Variants in STK35 observed in about 807,000 individuals in gnomAD.
STK35 encodes the protein serine/threonine-protein kinase 35.
In STK35, 17 loss-of-function variants were observed where a neutral mutation model predicts 37.3. That is an observed-to-expected ratio of 0.46 (90% CI 0.31 to 0.68). The LOEUF is 0.68. Among genes scored for constraint, STK35 ranks in the 30% least tolerant of loss-of-function variants. STK35 has a pLI of 0.05. For missense variants in STK35, 595 were observed against 746.7 expected (o/e 0.80, Z 2.37); for synonymous variants, 385 against 319.1 (o/e 1.21, Z -2.20).
At chr20:2,103,988 A>C (rs1293923854) in intron 2 of STK35, among the ~76,000 whole-genome samples, 2 of 152,202 alleles carry the variant, frequency 1.3e-5, no homozygotes, top group Admixed American at 1.3e-4. Context: ...AGGTGGCCTG[A>C]GAGCTGTCAC....
chr20:2,140,909 T>A (rs1347332468), intron 3 of STK35, among the ~76,000 whole-genome samples: 3 of 152,244 alleles, frequency 2.0e-5, no homozygotes, highest in African/African-American at 7.2e-5. Flanking sequence ...TGAACCTGCC[T>A]CCTTGCCAAC....
intron 1 of STK35, 29 bp from the exon 2 acceptor site, chr20:2,102,739 G>A: frequency 7.2e-7 from 1 of 1,391,674 alleles, no homozygotes; most frequent in Non-Finnish European, 9.4e-7. Flanking sequence ...GCCTTGGCCT[G>A]GCCGTTTAAC....
Position 2,103,311 on chromosome 20 carries a change from C to G in STK35, c.838C>G (p.His280Asp). The change falls in exon 2 of 4, where the codon CAC (histidine) becomes GAC (aspartate). Residue 280 changes from histidine (H) to aspartate (D), a missense_variant. Physicochemically the swap from His to Asp is moderately conservative, Grantham distance 81. Coordinates refer to ENST00000381482, the MANE Select transcript of STK35 (RefSeq NM_080836.4). ...QRNGLAQRMSHGNKSSQLYLR... is the reference protein window; with the variant it reads ...QRNGLAQRMSDGNKSSQLYLR... ...CAATGGGTTAGCCCAGCGCATGAGT[C>G]ACGGCAACAAGAGCTCGCAGCTTTA... 1 of 1,612,870 alleles carries G rather than the reference C, an allele frequency of 6.2e-7. No individual in the cohort carries two copies. Among genetic ancestry groups the G allele is most frequent in the Non-Finnish European group, 8.5e-7 (1 of 1,179,712 alleles).
chr20:2,113,667 C>A (rs1985662054), intron 2 of STK35, among the ~76,000 whole-genome samples: 1 of 152,180 alleles, frequency 6.6e-6, no homozygotes, highest in African/African-American at 2.4e-5. Context: ...CGGCCTACAG[C>A]ACTGGGATTA....
intron 3 of STK35, among the ~76,000 whole-genome samples, chr20:2,119,911 C>T (rs578216680): frequency 2.3e-4 from 35 of 152,284 alleles, no homozygotes; most frequent in Non-Finnish European, 4.3e-4. Flanking sequence ...ATGTATTTCT[C>T]GAGTGAGTCA....
intron 3 of STK35, among the ~76,000 whole-genome samples, chr20:2,140,055 A>G (rs758408357): frequency 6.6e-6 from 1 of 151,650 alleles, no homozygotes; most frequent in East Asian, 1.9e-4. Flanking sequence ...CTGCTCAGCA[A>G]CTCTGGTGTG....
rs950596709 is a variant in STK35 at position 2,103,226 on chromosome 20, C to A, written c.753C>A (p.Leu251=). The change falls in exon 2 of 4, where the codon CTC becomes CTA. Residue 251 remains leucine, a synonymous_variant. Transcript: ENST00000381482. ...TGGCGCTGGCTGAATTCTGGGCCCT[C>A]ACCAGCCTCAAGCGGCGCCACCAGA... ...VELALAEFWA[L]TSLKRRHQNV... 2 of 1,612,682 alleles carry A rather than the reference C, an allele frequency of 1.2e-6. No homozygotes were observed. Among genetic ancestry groups the A allele is most frequent in the Middle Eastern group, 1.7e-4 (1 of 6,060 alleles).
intron 2 of STK35, among the ~76,000 whole-genome samples, chr20:2,114,003 AC>A (rs894653631): frequency 1.3e-5 from 2 of 151,932 alleles, no homozygotes; most frequent in African/African-American, 4.8e-5. Flanking sequence ...TGGGGTCTGA[AC>A]CCAAACTCTT....
chr20:2,113,660 C>T (rs765146834), intron 2 of STK35, among the ~76,000 whole-genome samples: 8 of 152,148 alleles, frequency 5.3e-5, no homozygotes, highest in Non-Finnish European at 7.3e-5. Context: ...ACTCTTACGG[C>T]CTACAGCACT....
rs1248730234 is a variant in STK35, at chr20:2,147,351, T to C, written c.*3605T>C. The C allele has an allele frequency of 6.6e-6, 1 of 152,640 alleles. No individual in the cohort carries two copies. Among genetic ancestry groups the C allele is most frequent in the Non-Finnish European group, 1.5e-5 (1 of 68,040 alleles). 9.5% of individuals were successfully genotyped at this position (152,640 alleles called of 1,614,324 possible). ...GTTGTCTCCTAGCCTAGAAAACCAG[T>C]GTTTGGAGCAATAAGATGATTATTT... On this transcript the variant is annotated 3_prime_UTR_variant, in exon 4 of 4. Coordinates refer to ENST00000381482, the MANE Select transcript of STK35 (RefSeq NM_080836.4).
At chr20:2,109,108 C>T (rs1291140596) in intron 2 of STK35, among the ~76,000 whole-genome samples, 1 of 152,206 alleles carries the variant, frequency 6.6e-6, no homozygotes, top group Non-Finnish European at 1.5e-5. Context: ...TTTCATTCCA[C>T]CGTGAGTGCC....
intron 3 of STK35, among the ~76,000 whole-genome samples, chr20:2,136,831 G>T (rs1179898660): frequency 2.6e-5 from 4 of 152,210 alleles, no homozygotes; most frequent in Non-Finnish European, 5.9e-5. Context: ...AGGCTAGTGG[G>T]ATCTGAGGTC....
intron 2 of STK35, among the ~76,000 whole-genome samples, chr20:2,110,142 G>A (rs1268702919): frequency 6.6e-6 from 1 of 152,198 alleles, no homozygotes; most frequent in East Asian, 1.9e-4. Context: ...GCCAGGATGG[G>A]TCCGTGTCTT....
intron 3 of STK35, among the ~76,000 whole-genome samples, chr20:2,130,767 A>C (rs1985985968): frequency 6.6e-6 from 1 of 152,268 alleles, no homozygotes; most frequent in South Asian, 2.1e-4. Context: ...AGTAATCTTC[A>C]GGTTTCTAAG....
chr20:2,134,735 A>T (rs928107106), intron 3 of STK35, among the ~76,000 whole-genome samples: 2 of 152,096 alleles, frequency 1.3e-5, no homozygotes, highest in Non-Finnish European at 2.9e-5. Flanking sequence ...TACTAAAAAT[A>T]CAAAAATTAG....
At chr20:2,141,832 TTCCTC>T (rs1464978028) in intron 3 of STK35, among the ~76,000 whole-genome samples, 2 of 152,264 alleles carry the variant, frequency 1.3e-5, no homozygotes, top group Non-Finnish European at 2.9e-5. Flanking sequence ...ATGATCTCAT[TTCCTC>T]TGTAGTATAT....
chr20:2,139,120 G>A (rs1986132966), intron 3 of STK35, among the ~76,000 whole-genome samples: 1 of 152,190 alleles, frequency 6.6e-6, no homozygotes, highest in Non-Finnish European at 1.5e-5. Context: ...GGTATTCTGT[G>A]CCTGCAGGCT....
At chr20:2,105,203 A>G (rs1019713752) in intron 2 of STK35, among the ~76,000 whole-genome samples, 4 of 150,450 alleles carry the variant, frequency 2.7e-5, no homozygotes, top group African/African-American at 7.3e-5. Flanking sequence ...TATCTTACCT[A>G]TATTCTAGGA....
At chr20:2,120,105 A>AT (rs1985790630) in intron 3 of STK35, among the ~76,000 whole-genome samples, 1 of 152,152 alleles carries the variant, frequency 6.6e-6, no homozygotes, top group Admixed American at 6.5e-5. Context: ...TCCCATTTCC[A>AT]TCTCATGCTT....
Sources: allele counts gnomAD v4.1 joint callset (sites outside exome capture counted in the v4.1 genomes callset), GRCh38; gene constraint gnomAD v4.1.1; transcripts MANE v1.5; gene names NCBI Gene and HGNC (gene_info 2026-07-23, HGNC 2026-07-21).